The following ARHGEF10L variants were observed in gnomAD, a reference collection of about 807,000 sequenced individuals.
The protein encoded by ARHGEF10L is Rho guanine nucleotide exchange factor 10 like.
A neutral mutation model predicts 141.2 loss-of-function variants in ARHGEF10L; 69 were observed. That is an observed-to-expected ratio of 0.49 (90% confidence interval 0.40 to 0.60). The LOEUF (loss-of-function observed/expected upper bound fraction) is 0.60. ARHGEF10L is among the 20% of genes least tolerant of loss of function. The pLI, the probability that ARHGEF10L is intolerant of heterozygous loss-of-function variation, is 0.00. For synonymous variants in ARHGEF10L, 711 were observed against 718.5 expected (o/e 0.99, Z 0.17); for missense variants, 1,482 against 1,734.3 (o/e 0.85, Z 2.58).
chr1:17,578,561 C>T (rs2078320674), intron 1 of ARHGEF10L, among the ~76,000 whole-genome samples: 1 of 152,180 alleles, frequency 6.6e-6, no homozygotes, highest in African/African-American at 2.4e-5. Flanking sequence ...GTGGTGTGTG[C>T]CTGTAGTCCC....
intron 9 of ARHGEF10L, among the ~76,000 whole-genome samples, chr1:17,617,131 G>T (rs2059852226): frequency 6.6e-6 from 1 of 152,252 alleles, no homozygotes; most frequent in Non-Finnish European, 1.5e-5. Flanking sequence ...ATAGGCCAGG[G>T]TCCGGTCAGT....
At chr1:17,612,703 G>A (rs777521359) in intron 7 of ARHGEF10L, among the ~76,000 whole-genome samples, 6 of 152,172 alleles carry the variant, frequency 3.9e-5, no homozygotes, top group Non-Finnish European at 5.9e-5. Context: ...TGGGCCACAG[G>A]GCCGGGGAGA....
At chr1:17,642,524 G>A (rs1239910300) in intron 21 of ARHGEF10L, among the ~76,000 whole-genome samples, 1 of 152,136 alleles carries the variant, frequency 6.6e-6, no homozygotes, top group African/African-American at 2.4e-5. Flanking sequence ...GGGTCATTCT[G>A]GCTGCTGTGG....
chr1:17,543,526 TG>T (rs1342073881), intron 1 of ARHGEF10L, among the ~76,000 whole-genome samples: 1 of 151,840 alleles, frequency 6.6e-6, no homozygotes, highest in African/African-American at 2.4e-5. Context: ...GAGGTTGCAG[TG>T]AGCCGAGGTT....
intron 25 of ARHGEF10L, among the ~76,000 whole-genome samples, chr1:17,659,192 T>G (rs2062456915): frequency 6.6e-6 from 1 of 152,088 alleles, no homozygotes; most frequent in Admixed American, 6.5e-5. Flanking sequence ...AGGCACCACC[T>G]GGGCAGGTGA....
At chr1:17,522,187 T>A in the ARHGEF10L span, among the ~76,000 whole-genome samples, 1 of 152,082 alleles carries the variant, frequency 6.6e-6, no homozygotes. Flanking sequence ...TGTTTCCTTA[T>A]CAACATTTTG....
At chr1:17,519,559 G>A in the ARHGEF10L span, among the ~76,000 whole-genome samples, 2 of 151,894 alleles carry the variant, frequency 1.3e-5, no homozygotes, top group African/African-American at 4.8e-5. Context: ...GTAGTGAGCC[G>A]TGATCTGATC....
At chr1:17,524,270 A>G in the ARHGEF10L span, among the ~76,000 whole-genome samples, 1 of 151,182 alleles carries the variant, frequency 6.6e-6, no homozygotes, top group Non-Finnish European at 1.5e-5. Context: ...GTGTCACTGC[A>G]CTCCAGCTTG....
At chr1:17,588,882 G>GTGTGTGTC (rs1553181498) in intron 4 of ARHGEF10L, among the ~76,000 whole-genome samples, 6 of 106,246 alleles carry the variant, frequency 5.6e-5, no homozygotes, top group African/African-American at 2.3e-4. Context: ...GTGTGTGTGT[G>GTGTGTGTC]TGTGTGTGTG....
intron 26 of ARHGEF10L, among the ~76,000 whole-genome samples, chr1:17,677,943 C>T (rs902363654): frequency 6.6e-6 from 1 of 152,210 alleles, no homozygotes; most frequent in Non-Finnish European, 1.5e-5. Context: ...CCTGCTGGGC[C>T]TCCCTGTCCT....
chr1:17,608,166 A>G (rs773817678), intron 7 of ARHGEF10L, among the ~76,000 whole-genome samples, 189 bp downstream of exon 7: 11 of 152,156 alleles, frequency 7.2e-5, no homozygotes, highest in Non-Finnish European at 1.2e-4. Context: ...GGTGACTCGT[A>G]GACATTGCTG....
chr1:17,654,764 A>T lies in ARHGEF10L; in HGVS notation c.2481+42A>T. ...CCCAGCTGGGCATTCTGGCCTCAGG[A>T]CAGGAGTAGGGAGAGCGGCACCTGG... On this transcript the variant is annotated intron_variant, in intron 23 of 28. Transcript: ENST00000361221. This position sits in a 1 kb window ranked among gnomAD's most constrained non-coding sequence, Gnocchi z 4.3. 6.3e-7 allele frequency: 1 copy of T among 1,576,428 alleles called. No individual in the cohort carries two copies. The highest frequency in any genetic ancestry group is 8.7e-7 in the Non-Finnish European group (1 of 1,148,132).
At chr1:17,568,024 C>T (rs2077833389) in intron 1 of ARHGEF10L, among the ~76,000 whole-genome samples, 1 of 152,184 alleles carries the variant, frequency 6.6e-6, no homozygotes, top group East Asian at 1.9e-4. Flanking sequence ...TCCTGTAGCA[C>T]TTCAGTGAGG....
chr1:17,603,558 G>A lies in ARHGEF10L; in HGVS notation c.400G>A (p.Val134Ile), dbSNP rs776889963. Residue 134 changes from valine to isoleucine, a missense_variant, in exon 6 of 29, where the codon GTC becomes ATC. Around this residue, in one of 3 missense-constraint regions of ARHGEF10L, gnomAD observed 232 missense variants for 225.9 expected, o/e 1.03. Transcript: ENST00000361221. The surrounding 1 kb of genome is among the most constrained non-coding windows in gnomAD (Gnocchi z 4.8). ...ALEEDVIYDD[V>I]PCESPDAHQP... ...GGAAGAGGATGTGATTTATGACGAC[G>A]TCCCCTGCGAGAGCCCAGATGCGCA... The A allele has an allele frequency of 4.3e-6, 7 of 1,613,456 alleles. No homozygotes were observed. The highest frequency in any genetic ancestry group is 1.6e-4 in the Middle Eastern group (1 of 6,078).
chr1:17,569,831 G>A (rs1392115258), intron 1 of ARHGEF10L, among the ~76,000 whole-genome samples: 1 of 152,240 alleles, frequency 6.6e-6, no homozygotes, highest in Non-Finnish European at 1.5e-5. Flanking sequence ...ACATGCTTCT[G>A]ACTCATCAGA....
At chr1:17,515,291 CT>C in the ARHGEF10L span, among the ~76,000 whole-genome samples, 74,873 of 131,824 alleles carry the variant, frequency 0.57, 20,390 homozygotes, top group East Asian at 0.7. Flanking sequence ...CTTTTTCTCT[CT>C]TTTTTTTTTT....
chr1:17,656,168 C>A lies in ARHGEF10L; in HGVS notation c.2705+66C>A. 6.7e-7 allele frequency: 1 copy of A among 1,493,436 alleles called. No individual in the cohort carries two copies. 92.5% of individuals were successfully genotyped at this position (1,493,436 alleles called of 1,614,324 possible). A position where few individuals can be genotyped will look rare whatever the true frequency, so the allele number is the denominator to read the frequency against. On this transcript the variant is annotated intron_variant, in intron 24 of 28. Coordinates refer to ENST00000361221, the MANE Select transcript of ARHGEF10L (RefSeq NM_018125.4). The surrounding 1 kb of genome is among the most constrained non-coding windows in gnomAD (Gnocchi z 4.9). ...GGCTGGGCAGTGGGTGGGGGCTGTC[C>A]CTGTAGCCTTCCGGATCTGCCTGTT...
At chr1:17,537,092 C>T (rs1365478411), upstream of ARHGEF10L, among the ~76,000 whole-genome samples, 2 of 151,752 alleles carry the variant, frequency 1.3e-5, no homozygotes, top group African/African-American at 2.4e-5. Context: ...AGGGGTCTCC[C>T]TATGTTGCCC....
intron 4 of ARHGEF10L, among the ~76,000 whole-genome samples, chr1:17,592,826 C>T (rs2100753960): frequency 6.6e-6 from 1 of 152,276 alleles, no homozygotes; most frequent in Admixed American, 6.5e-5. Context: ...CCGCAGGGTC[C>T]ATGCGGGACG....
Sources: allele counts gnomAD v4.1 joint callset (sites outside exome capture counted in the v4.1 genomes callset), GRCh38; gene constraint gnomAD v4.1.1; regional missense constraint gnomAD v4.1.1; non-coding constraint Gnocchi (gnomAD v3.1); transcripts MANE v1.5; gene names NCBI Gene and HGNC (gene_info 2026-07-23, HGNC 2026-07-21).